Variants in PCOLCE observed in about 807,000 individuals in gnomAD.
The protein encoded by PCOLCE is procollagen C-endopeptidase enhancer 1.
In PCOLCE, 33 loss-of-function variants were observed where a neutral mutation model predicts 47.2. The ratio of observed to expected loss-of-function variants is 0.70; its 90% CI spans 0.53 to 0.93. PCOLCE has a LOEUF of 0.93. Among genes scored for constraint, PCOLCE ranks in the 40% least tolerant of loss-of-function variants. The pLI is 0.00. For missense variants in PCOLCE, 584 were observed against 585.3 expected (o/e 1.00, Z 0.02); for synonymous variants, 254 against 252.5 (o/e 1.01, Z -0.06).
At chr7:100,602,623 G>C in intron 1 of PCOLCE, 72 bp downstream of exon 1, 1 of 1,009,162 alleles carries the variant, frequency 9.9e-7, no homozygotes, top group Non-Finnish European at 1.6e-6. Context: ...GTTATGCCTG[G>C]AGATATTTTG....
In PCOLCE at chr7:100,603,445, C is replaced by T; in HGVS notation, c.111C>T (p.Cys37=). The T allele has an allele frequency of 6.2e-7, 1 of 1,600,108 alleles. No homozygotes were observed. Among genetic ancestry groups the T allele is most frequent in the Non-Finnish European group, 8.5e-7 (1 of 1,171,496 alleles). Residue 37 remains cysteine (C), a synonymous_variant, in exon 2 of 9, where the codon TGC becomes TGT. Coordinates refer to ENST00000223061, the MANE Select transcript of PCOLCE (RefSeq NM_002593.4). Reference sequence around the variant, plus strand: ...TGTTCTCCAGACCCGTGTTCCTGTGCGGAGGGGATGTGAAGGGGGAATCAG... The same window carrying T: ...TGTTCTCCAGACCCGTGTTCCTGTGTGGAGGGGATGTGAAGGGGGAATCAG... The part of the protein sequence containing the change: ...TPNYTRPVFL[C]GGDVKGESGY...
chr7:100,607,752 T>C lies in PCOLCE; in HGVS notation c.1128T>C (p.Thr376=), dbSNP rs771189441. The C allele has an allele frequency of 6.2e-7, 1 of 1,614,142 alleles. No individual in the cohort carries two copies. Among genetic ancestry groups the C allele is most frequent in the Non-Finnish European group, 8.5e-7 (1 of 1,180,010 alleles). The change falls in exon 8 of 9, where the codon ACT becomes ACC. Residue 376 remains threonine (T), a synonymous_variant. Transcript: ENST00000223061. ...GACTGGACCTGCCTTCTCCACCCAC[T>C]GGTGCCTCCCTGAAGTTTTACGTGC... The part of the protein sequence containing the change: ...TGGLDLPSPP[T]GASLKFYVPC...
rs1435337969 is a variant in PCOLCE at position 100,604,169 on chromosome 7, G to T, written c.415G>T (p.Gly139Ter). The T allele has an allele frequency of 6.2e-7, 1 of 1,613,220 alleles. No individual in the cohort carries two copies. The highest frequency in any genetic ancestry group is 1.3e-5 in the African/African-American group (1 of 74,910). ...GATGACGACGGATGAGGGCACAGGA[G>T]GACGAGGCTTCCTGCTCTGGTACAG... Reference protein sequence around the residue: ...LRMTTDEGTGGRGFLLWYSGR... With the variant: ...LRMTTDEGTG Residue 139 changes from glycine to a stop codon, truncating the protein, a stop_gained, in exon 3 of 9, where the codon GGA (glycine) becomes TGA (stop). Transcript: ENST00000223061. LOFTEE classifies it high-confidence loss of function. The surrounding 1 kb of genome is among the most constrained non-coding windows in gnomAD (Gnocchi z 6.4).
Position 100,606,485 on chromosome 7 carries a change from C to T in PCOLCE, c.795C>T (p.Gly265=). 2 of 1,614,074 alleles carry T rather than the reference C, an allele frequency of 1.2e-6. No homozygotes were observed. Among genetic ancestry groups the T allele is most frequent in the Non-Finnish European group, 8.5e-7 (1 of 1,179,912 alleles). ...CAGATCTCAGTGTCACCGCTGATGG[C>T]TTCTCAGCCTCCTACAAGACCCTGC... The part of the protein sequence containing the change: ...FVSDLSVTAD[G]FSASYKTLPR... The change falls in exon 6 of 9, where the codon GGC becomes GGT. Residue 265 remains glycine, a synonymous_variant. Coordinates refer to ENST00000223061, the MANE Select transcript of PCOLCE (RefSeq NM_002593.4).
intron 2 of PCOLCE, 88 bp downstream of exon 2, chr7:100,603,626 C>G: frequency 1.6e-6 from 1 of 632,380 alleles, no homozygotes; most frequent in Non-Finnish European, 2.8e-6. Flanking sequence ...CCGTCCCCCC[C>G]GCACCACCTT....
rs1285935854 is a variant in PCOLCE, at chr7:100,603,450, G to C, written c.116G>C (p.Gly39Ala). The change falls in exon 2 of 9, where the codon GGG becomes GCG. Residue 39 changes from glycine to alanine, a missense_variant. Physicochemically the swap from Gly to Ala is moderately conservative, Grantham distance 60 (BLOSUM62 0). Transcript: ENST00000223061. ...NYTRPVFLCG[G>A]DVKGESGYVA... ...TCCAGACCCGTGTTCCTGTGCGGAGGGGATGTGAAGGGGGAATCAGGTTAC... is the reference window on the plus strand; with the variant it reads ...TCCAGACCCGTGTTCCTGTGCGGAGCGGATGTGAAGGGGGAATCAGGTTAC... 5.6e-6 allele frequency: 9 copies of C among 1,603,686 alleles called. No homozygotes were observed. Among genetic ancestry groups the C allele is most frequent in the Non-Finnish European group, 6.8e-6 (8 of 1,174,266 alleles).
At position 100,605,375 on chromosome 7, in the gene PCOLCE, ATG is replaced by A. The variant is rs1802695689; in HGVS notation, c.588+162_588+163del. Reference sequence around the variant, plus strand: ...AACCCCTGCATGCACGCAAACAAAAATGTAAAAATTACAACTGAGACAAGTCT... The same window carrying A: ...AACCCCTGCATGCACGCAAACAAAAATAAAAATTACAACTGAGACAAGTCT... On this transcript the variant is annotated intron_variant, in intron 4 of 8. Transcript: ENST00000223061. The surrounding 1 kb of genome is among the most constrained non-coding windows in gnomAD (Gnocchi z 6.1). 1 of 745,250 alleles carries A rather than the reference ATG, an allele frequency of 1.3e-6. No homozygotes were observed. Among genetic ancestry groups the A allele is most frequent in the East Asian group, 2.8e-5 (1 of 36,336 alleles). 46.2% of individuals were successfully genotyped at this position (745,250 alleles called of 1,614,324 possible). A position where few individuals can be genotyped will look rare whatever the true frequency, so the allele number is the denominator to read the frequency against.
chr7:100,605,633 A>C lies in PCOLCE; in HGVS notation c.589-43A>C, dbSNP rs373571999. ...AGTAGGAGATGAGGTGCAGGCGCCC[A>C]GGGGTGTCCCGCCGCGCAGTCCCCG... is the stretch of plus-strand genomic sequence containing the variant. On this transcript the variant is annotated intron_variant, in intron 4 of 8. Transcript: ENST00000223061. This position sits in a 1 kb window ranked among gnomAD's most constrained non-coding sequence, Gnocchi z 6.1. The C allele has an allele frequency of 1.5e-3, 2,270 of 1,552,592 alleles. 1 individual carries two copies. The highest frequency in any genetic ancestry group is 2.7e-3 in the Middle Eastern group (14 of 5,238).
rs568360362 is a variant in PCOLCE, at chr7:100,604,437, C to A, written c.463+220C>A. On this transcript the variant is annotated intron_variant, in intron 3 of 8. Coordinates refer to ENST00000223061, the MANE Select transcript of PCOLCE (RefSeq NM_002593.4). The surrounding 1 kb of genome is among the most constrained non-coding windows in gnomAD (Gnocchi z 6.4). ...CCCATCCCTCTTCCAGGGCCCCCCC[C>A]AGGCGCGAGGCGGAAATGGGTCACC... 133 of 631,792 alleles carry A rather than the reference C, an allele frequency of 2.1e-4. No individual in the cohort carries two copies. The highest frequency in any genetic ancestry group is 3.4e-4 in the Non-Finnish European group (121 of 355,314). The allele number at this position is 631,792 out of a possible 1,614,324, so 39.1% of individuals were successfully genotyped here. A position where few individuals can be genotyped will look rare whatever the true frequency, so the allele number is the denominator to read the frequency against.
At position 100,604,109 on chromosome 7, in the gene PCOLCE, C is replaced by G; in HGVS notation, c.355C>G (p.Pro119Ala). 4 of 1,611,446 alleles carry G rather than the reference C, an allele frequency of 2.5e-6. No homozygotes were observed. Among genetic ancestry groups the G allele is most frequent in the Non-Finnish European group, 3.4e-6 (4 of 1,179,998 alleles). The change falls in exon 3 of 9, where the codon CCC (proline) becomes GCC (alanine). Residue 119 changes from proline (P) to alanine (A), a missense_variant. Physicochemically the swap from Pro to Ala is conservative, Grantham distance 27. Transcript: ENST00000223061. This position sits in a 1 kb window ranked among gnomAD's most constrained non-coding sequence, Gnocchi z 6.4. ...GRFCGTFRPA[P>A]LVAPGNQVTL... is the part of the protein sequence containing the mutation. The stretch of plus-strand genomic sequence containing the variant: ...CTTTTGTGGGACCTTCCGGCCTGCG[C>G]CCCTAGTCGCCCCCGGCAACCAGGT...
chr7:100,606,660 A>G, intron 6 of PCOLCE, 30 bp downstream of exon 6: 1 of 1,537,750 alleles, frequency 6.5e-7, no homozygotes, highest in Non-Finnish European at 8.9e-7. Flanking sequence ...GGAAGGGGAA[A>G]CAGACTGAAG....
At chr7:100,603,155 T>G in intron 1 of PCOLCE, 2 of 351,576 alleles carry the variant, frequency 5.7e-6, no homozygotes, top group Non-Finnish European at 1.0e-5. Flanking sequence ...CCGAGGAGGA[T>G]TCCGGGAATT....
At chr7:100,606,060 G>C (rs1285572234) in intron 5 of PCOLCE, 7 of 568,918 alleles carry the variant, frequency 1.2e-5, no homozygotes, top group Non-Finnish European at 2.2e-5. Flanking sequence ...CAGGGGTAGT[G>C]GCTCATGCCT....
chr7:100,603,605 G>A (rs563529616), intron 2 of PCOLCE, 67 bp downstream of exon 2: 3 of 709,836 alleles, frequency 4.2e-6, no homozygotes, highest in African/African-American at 3.8e-5. Flanking sequence ...GACTGCGAAG[G>A]GACCCCCCCC....
rs1357821711 is a variant in PCOLCE, at chr7:100,604,269, G to T, written c.463+52G>T. On this transcript the variant is annotated intron_variant, in intron 3 of 8. Coordinates refer to ENST00000223061, the MANE Select transcript of PCOLCE (RefSeq NM_002593.4). The surrounding 1 kb of genome is among the most constrained non-coding windows in gnomAD (Gnocchi z 6.4). ...CCCCCCTCCAGGCCCCGCCCCGGCC[G>T]CAGCCCCGCCCCCAGCCCTAACCTC... 2.1e-6 allele frequency: 3 copies of T among 1,407,274 alleles called. No homozygotes were observed. Among genetic ancestry groups the T allele is most frequent in the African/African-American group, 3.5e-5 (2 of 57,064 alleles). 87.2% of individuals were successfully genotyped at this position (1,407,274 alleles called of 1,614,324 possible). A position where few individuals can be genotyped will look rare whatever the true frequency, so the allele number is the denominator to read the frequency against.
chr7:100,607,258 T>C (rs948655835), intron 6 of PCOLCE, among the ~76,000 whole-genome samples, 194 bp from the exon 7 acceptor site: 5 of 151,890 alleles, frequency 3.3e-5, no homozygotes, highest in African/African-American at 1.2e-4. Context: ...AACAAAAAAG[T>C]TCTTCCTTGG....
Position 100,604,115 on chromosome 7 carries a change from G to T in PCOLCE, c.361G>T (p.Val121Phe). Reference protein sequence around the residue: ...FCGTFRPAPLVAPGNQVTLRM... With the variant: ...FCGTFRPAPLFAPGNQVTLRM... ...TGGGACCTTCCGGCCTGCGCCCCTAGTCGCCCCCGGCAACCAGGTGACCCT... is the reference window on the plus strand; with the variant it reads ...TGGGACCTTCCGGCCTGCGCCCCTATTCGCCCCCGGCAACCAGGTGACCCT... The change falls in exon 3 of 9, where the codon GTC becomes TTC. Residue 121 changes from valine to phenylalanine, a missense_variant. Physicochemically the swap from Val to Phe is conservative, Grantham distance 50. Transcript: ENST00000223061. The surrounding 1 kb of genome is among the most constrained non-coding windows in gnomAD (Gnocchi z 6.4). The T allele has an allele frequency of 6.2e-7, 1 of 1,611,860 alleles. No homozygotes were observed.
chr7:100,604,295 C>T lies in PCOLCE; in HGVS notation c.463+78C>T, dbSNP rs889175053. The T allele has an allele frequency of 5.6e-5, 75 of 1,335,040 alleles. No individual in the cohort carries two copies. Among genetic ancestry groups the T allele is most frequent in the Non-Finnish European group, 7.4e-5 (73 of 983,000 alleles). 82.7% of individuals were successfully genotyped at this position (1,335,040 alleles called of 1,614,324 possible). ...CAGCCCCGCCCCCAGCCCTAACCTC[C>T]GCCCCGCCCACCCCGCGCCCCAGTG... On this transcript the variant is annotated intron_variant, in intron 3 of 8. Coordinates refer to ENST00000223061, the MANE Select transcript of PCOLCE (RefSeq NM_002593.4). The surrounding 1 kb of genome is among the most constrained non-coding windows in gnomAD (Gnocchi z 6.4).
In PCOLCE at chr7:100,604,090, T is replaced by C. The variant is rs1802664422; in HGVS notation, c.336T>C (p.Cys112=). 1 of 1,610,050 alleles carries C rather than the reference T, an allele frequency of 6.2e-7. No homozygotes were observed. The highest frequency in any genetic ancestry group is 1.3e-5 in the African/African-American group (1 of 74,932). Residue 112 remains cysteine, a synonymous_variant, in exon 3 of 9, where the codon TGT becomes TGC. Coordinates refer to ENST00000223061, the MANE Select transcript of PCOLCE (RefSeq NM_002593.4). This position sits in a 1 kb window ranked among gnomAD's most constrained non-coding sequence, Gnocchi z 6.4. ...GTSGQRLGRF[C]GTFRPAPLVA... ...CCGGCCAGCGGCTCGGACGCTTTTGTGGGACCTTCCGGCCTGCGCCCCTAG... is the reference window on the plus strand; with the variant it reads ...CCGGCCAGCGGCTCGGACGCTTTTGCGGGACCTTCCGGCCTGCGCCCCTAG...
Sources: gnomAD v4.1 joint callset for allele counts (sites outside exome capture counted in the v4.1 genomes callset) on GRCh38, gnomAD v4.1.1 for gene constraint, Gnocchi (gnomAD v3.1) non-coding constraint, MANE v1.5 for transcripts, NCBI Gene and HGNC (gene_info 2026-07-23, HGNC 2026-07-21) for gene names.